The following ATN1 variants were observed in gnomAD, a reference collection of about 807,000 sequenced individuals.
ATN1 encodes atrophin 1, also known as atrophin-1.
Under a neutral mutation model 85.8 loss-of-function variants are expected in ATN1, and 19 were observed. The observed-to-expected ratio is 0.22, with a 90% CI of 0.15 to 0.32. The LOEUF is 0.32. Ranked by LOEUF, ATN1 falls within the 10% of genes least tolerant of loss-of-function variation. ATN1 has a pLI of 1.00. For missense variants in ATN1, 1,453 were observed against 1,564.5 expected, an observed-to-expected ratio of 0.93 and a Z score of 1.20; for synonymous variants, 674 against 657.0, an observed-to-expected ratio of 1.03 and a Z score of -0.39.
chr12:6,937,280 G>A lies in ATN1; in HGVS notation c.2013G>A (p.Pro671=), dbSNP rs1282847763. 7.5e-6 allele frequency: 12 copies of A among 1,605,252 alleles called. No homozygotes were observed. The highest frequency in any genetic ancestry group is 1.0e-5 in the Non-Finnish European group (12 of 1,176,864). The part of the protein sequence containing the change: ...SPPSFRTGTP[P]GYRGTSPPAG... ...CCTCCTTCCGAACGGGGACCCCACC[G>A]GGCTATCGAGGAACCTCGCCACCTG... Residue 671 remains proline, a synonymous_variant, in exon 5 of 10, where the codon CCG becomes CCA. Coordinates refer to ENST00000396684, the MANE Select transcript of ATN1 (RefSeq NM_001940.4). This position sits in a 1 kb window ranked among gnomAD's most constrained non-coding sequence, Gnocchi z 6.0.
In ATN1 at chr12:6,941,413, C is replaced by T. The variant is rs782011397; in HGVS notation, c.3398C>T (p.Pro1133Leu). Residue 1133 changes from proline (P) to leucine (L), a missense_variant, in exon 9 of 10, where the codon CCG (proline) becomes CTG (leucine). This residue lies in a region of ATN1 where 118 missense variants were observed against 163.7 expected (regional missense o/e 0.72). Coordinates refer to ENST00000396684, the MANE Select transcript of ATN1 (RefSeq NM_001940.4). The surrounding 1 kb of genome is among the most constrained non-coding windows in gnomAD (Gnocchi z 5.9). ...GACCTGCCGGCCTCCCTTTCTGCCC[C>T]GATGTCAGCAGCTCATCAGCTGCAG... ...YRDLPASLSA[P>L]MSAAHQLQAM... 6 of 1,607,646 alleles carry T rather than the reference C, an allele frequency of 3.7e-6. No homozygotes were observed. Among genetic ancestry groups the T allele is most frequent in the South Asian group, 1.1e-5 (1 of 90,798 alleles).
At chr12:6,933,702 C>G in intron 1 of ATN1, 138 bp from the exon 2 acceptor site, 1 of 496,972 alleles carries the variant, frequency 2.0e-6, no homozygotes, top group Non-Finnish European at 3.6e-6. Context: ...GGCATGCCAG[C>G]AATGTCTTGT....
rs369424556 is a variant in ATN1, at chr12:6,935,594, C to T, written c.327C>T (p.Asp109=). Residue 109 remains aspartate (D), a synonymous_variant, in exon 5 of 10, where the codon GAC becomes GAT. Transcript: ENST00000396684. The surrounding 1 kb of genome is among the most constrained non-coding windows in gnomAD (Gnocchi z 5.3). ...PQSPSDLDSL[D]GRSLNDDGSS... is the part of the protein sequence containing the mutation. ...CTCCCTCCGATCTGGATAGCTTGGA[C>T]GGGCGGAGCCTTAATGATGATGGCA... 3.2e-4 allele frequency: 510 copies of T among 1,613,788 alleles called. No homozygotes were observed. Among genetic ancestry groups the T allele is most frequent in the Non-Finnish European group, 4.1e-4 (482 of 1,179,872 alleles).
chr12:6,933,240 A>G (rs1945488683), intron 1 of ATN1, among the ~76,000 whole-genome samples: 1 of 150,846 alleles, frequency 6.6e-6, no homozygotes, highest in African/African-American at 2.4e-5. Flanking sequence ...TTTTTGAGAC[A>G]GAGTCTTACT....
At chr12:6,928,586 G>A (rs781874056) in intron 1 of ATN1, among the ~76,000 whole-genome samples, 1 of 152,306 alleles carries the variant, frequency 6.6e-6, no homozygotes, top group East Asian at 1.9e-4. Flanking sequence ...GCCCGCCGAG[G>A]AGAGTCGGGG....
Position 6,941,926 on chromosome 12 carries a change from G to A in ATN1, c.*146G>A. On this transcript the variant is annotated 3_prime_UTR_variant, in exon 10 of 10. Coordinates refer to ENST00000396684, the MANE Select transcript of ATN1 (RefSeq NM_001940.4). This position sits in a 1 kb window ranked among gnomAD's most constrained non-coding sequence, Gnocchi z 5.9. ...CTCCGCAGCTGGACAGAGAGTGGGG[G>A]AGGGAGGGACAGACAGAAGGCCAAG... 1 of 808,124 alleles carries A rather than the reference G, an allele frequency of 1.2e-6. No homozygotes were observed. Among genetic ancestry groups the A allele is most frequent in the Non-Finnish European group, 2.1e-6 (1 of 484,052 alleles). 50.1% of individuals were successfully genotyped at this position (808,124 alleles called of 1,614,324 possible).
Position 6,934,584 on chromosome 12 carries a change from A to AAACCCTTG in ATN1, c.279+7_279+14dup. The AAACCCTTG allele has an allele frequency of 6.5e-7, 1 of 1,549,754 alleles. No homozygotes were observed. Among genetic ancestry groups the AAACCCTTG allele is most frequent in the East Asian group, 2.4e-5 (1 of 41,072 alleles). ...CAAAAAAGACCAAAACTGAGGTGGG[A>AAACCCTTG]AACCCTTGTCGCCATCCTGACCCAT... On this transcript the variant is annotated splice_region_variant and intron_variant, in intron 4 of 9. Coordinates refer to ENST00000396684, the MANE Select transcript of ATN1 (RefSeq NM_001940.4). This position sits in a 1 kb window ranked among gnomAD's most constrained non-coding sequence, Gnocchi z 4.5.
upstream of ATN1, among the ~76,000 whole-genome samples, chr12:6,926,264 C>T (rs781939120): frequency 6.6e-6 from 1 of 152,236 alleles, no homozygotes; most frequent in Non-Finnish European, 1.5e-5. Context: ...AGTCTTCACC[C>T]GACTGCTTCC....
chr12:6,933,754 C>G (rs1421442145), intron 1 of ATN1, 86 bp from the exon 2 acceptor site: 1 of 589,832 alleles, frequency 1.7e-6, no homozygotes, highest in African/African-American at 1.9e-5. Flanking sequence ...GGTTGGGCCG[C>G]TTGCTCAGTT....
At position 6,936,799 on chromosome 12, in the gene ATN1, C is replaced by G. The variant is rs1267555248; in HGVS notation, c.1532C>G (p.Pro511Arg). 6 of 1,611,102 alleles carry G rather than the reference C, an allele frequency of 3.7e-6. No individual in the cohort carries two copies. Among genetic ancestry groups the G allele is most frequent in the Middle Eastern group, 1.7e-4 (1 of 6,054 alleles). The stretch of plus-strand genomic sequence containing the variant: ...CATCACGGAAACTCTGGGCCCCCTC[C>G]TCCTGGAGCATTTCCCCACCCACTG... The part of the protein sequence containing the change: ...QQHHGNSGPP[P>R]PGAFPHPLEG... Residue 511 changes from proline to arginine, a missense_variant, in exon 5 of 10, where the codon CCT becomes CGT. By Grantham distance (103) the Pro-to-Arg change is moderately radical. Around this residue, in one of 6 missense-constraint regions of ATN1, gnomAD observed 990 missense variants for 914.8 expected, o/e 1.08. Coordinates refer to ENST00000396684, the MANE Select transcript of ATN1 (RefSeq NM_001940.4).
At position 6,938,512 on chromosome 12, in the gene ATN1, A is replaced by T; in HGVS notation, c.2549A>T (p.Glu850Val). 6.2e-7 allele frequency: 1 copy of T among 1,611,474 alleles called. No homozygotes were observed. Among genetic ancestry groups the T allele is most frequent in the Non-Finnish European group, 8.5e-7 (1 of 1,177,836 alleles). ...KLAQEGRAPV[E>V]CPSLGPVPHR... ...GCTCAGGAGGGCCGTGCTCCGGTGG[A>T]ATGCCCATCTCTGGGCCCAGTGCCC... The change falls in exon 7 of 10, where the codon GAA (glutamate) becomes GTA (valine). Residue 850 changes from glutamate (E) to valine (V), a missense_variant. Glu to Val is a moderately radical substitution (Grantham distance 121). This residue lies in a region of ATN1 where 990 missense variants were observed against 914.8 expected (regional missense o/e 1.08). Coordinates refer to ENST00000396684, the MANE Select transcript of ATN1 (RefSeq NM_001940.4).
upstream of ATN1, among the ~76,000 whole-genome samples, chr12:6,927,228 T>C (rs781843121): frequency 6.6e-5 from 10 of 150,988 alleles, no homozygotes; most frequent in Admixed American, 2.6e-4. Flanking sequence ...ATATATGTCA[T>C]CTTTTCAATT....
intron 7 of ATN1, 94 bp from the exon 8 acceptor site, chr12:6,940,786 T>C (rs1945623343): frequency 8.7e-6 from 13 of 1,502,024 alleles, no homozygotes; most frequent in Non-Finnish European, 1.2e-5. Context: ...TGTGTTTGTC[T>C]GACTCAGTTC....
upstream of ATN1, among the ~76,000 whole-genome samples, chr12:6,926,112 C>T (rs951751945): frequency 1.3e-5 from 2 of 152,198 alleles, no homozygotes; most frequent in East Asian, 3.8e-4. Flanking sequence ...AGCAGACTGA[C>T]TGCCAGAGGC....
chr12:6,938,784 G>C lies in ATN1; in HGVS notation c.2821G>C (p.Asp941His), dbSNP rs1294428202. ...GAGGGAACGGGAAGCCCGTGAACGAGACCTCCGTGACCGCCTCAAGCCTGG... is the reference window on the plus strand; with the variant it reads ...GAGGGAACGGGAAGCCCGTGAACGACACCTCCGTGACCGCCTCAAGCCTGG... The part of the protein sequence containing the change: ...REREREARER[D>H]LRDRLKPGFE... The change falls in exon 7 of 10, where the codon GAC becomes CAC. Residue 941 changes from aspartate to histidine, a missense_variant. Coordinates refer to ENST00000396684, the MANE Select transcript of ATN1 (RefSeq NM_001940.4). 6.2e-7 allele frequency: 1 copy of C among 1,613,972 alleles called. No individual in the cohort carries two copies. Among genetic ancestry groups the C allele is most frequent in the Non-Finnish European group, 8.5e-7 (1 of 1,180,036 alleles).
chr12:6,936,851 C>A lies in ATN1; in HGVS notation c.1584C>A (p.His528Gln), dbSNP rs782740312. 1.9e-6 allele frequency: 3 copies of A among 1,614,044 alleles called. No homozygotes were observed. The highest frequency in any genetic ancestry group is 2.5e-6 in the Non-Finnish European group (3 of 1,179,998). ...PLEGGSSHHA[H>Q]PYAMSPSLGS... ...AGGGCGGTAGCTCCCACCACGCACA[C>A]CCTTACGCCATGTCTCCCTCCCTGG... The change falls in exon 5 of 10, where the codon CAC becomes CAA. Residue 528 changes from histidine (H) to glutamine (Q), a missense_variant. Transcript: ENST00000396684.
chr12:6,938,064 C>G lies in ATN1; in HGVS notation c.2514C>G (p.Ser838Arg). 6.5e-7 allele frequency: 1 copy of G among 1,542,996 alleles called. No individual in the cohort carries two copies. The highest frequency in any genetic ancestry group is 8.7e-7 in the Non-Finnish European group (1 of 1,145,240). ...AGAAGGAGCGCGAGCTTGAACGCAG[C>G]GTGGTGAGTGCGTCACTGCCTGCGC... is the stretch of plus-strand genomic sequence containing the variant. ...EREKERELER[S>R]VKLAQEGRAP... The change falls in exon 6 of 10, where the codon AGC (serine) becomes AGG (arginine). Residue 838 changes from serine (S) to arginine (R), a missense_variant. Ser to Arg is a moderately radical substitution (Grantham distance 110). Coordinates refer to ENST00000396684, the MANE Select transcript of ATN1 (RefSeq NM_001940.4).
Position 6,937,419 on chromosome 12 carries a change from G to T in ATN1, c.2152G>T (p.Gly718Trp). 6.5e-7 allele frequency: 1 copy of T among 1,547,914 alleles called. No homozygotes were observed. The highest frequency in any genetic ancestry group is 2.4e-5 in the East Asian group (1 of 40,954). The change falls in exon 5 of 10, where the codon GGG becomes TGG. Residue 718 changes from glycine to tryptophan, a missense_variant. By Grantham distance (184) the Gly-to-Trp change is radical. Coordinates refer to ENST00000396684, the MANE Select transcript of ATN1 (RefSeq NM_001940.4). The surrounding 1 kb of genome is among the most constrained non-coding windows in gnomAD (Gnocchi z 6.0). ...ACCACCACCTGCGGCCCCTGCCTCA[G>T]GGCCGCCCCTGAGCGCCACGCAGAT... The part of the protein sequence containing the change: ...LPPPPAAPAS[G>W]PPLSATQIKQ...
At position 6,937,816 on chromosome 12, in the gene ATN1, T is replaced by C; in HGVS notation, c.2295-29T>C. On this transcript the variant is annotated intron_variant, in intron 5 of 9. Coordinates refer to ENST00000396684, the MANE Select transcript of ATN1 (RefSeq NM_001940.4). The surrounding 1 kb of genome is among the most constrained non-coding windows in gnomAD (Gnocchi z 6.0). Reference sequence around the variant, plus strand: ...GCTCCATCGGGCAGCTCGCACCGCCTGAGCGCCCGCTGCTTCCACGCCCGG... The same window carrying C: ...GCTCCATCGGGCAGCTCGCACCGCCCGAGCGCCCGCTGCTTCCACGCCCGG... 1 of 1,527,984 alleles carries C rather than the reference T, an allele frequency of 6.5e-7. No homozygotes were observed. The highest frequency in any genetic ancestry group is 8.8e-7 in the Non-Finnish European group (1 of 1,136,216). The allele number at this position is 1,527,984 out of a possible 1,614,324, so 94.7% of individuals were successfully genotyped here.
Sources: gnomAD v4.1 joint callset for allele counts (sites outside exome capture counted in the v4.1 genomes callset) on GRCh38, gnomAD v4.1.1 for gene constraint, gnomAD v4.1.1 regional missense constraint, Gnocchi (gnomAD v3.1) non-coding constraint, MANE v1.5 for transcripts, NCBI Gene and HGNC (gene_info 2026-07-23, HGNC 2026-07-21) for gene names.